The following CDH13 variants were observed in gnomAD, a reference collection of about 807,000 sequenced individuals.
The protein encoded by CDH13 is cadherin 13.
In CDH13, 24 loss-of-function variants were observed where a neutral mutation model predicts 63.8. The ratio of observed to expected loss-of-function variants is 0.38; its 90% confidence interval spans 0.27 to 0.53. The LOEUF is 0.53. Among genes scored for constraint, CDH13 ranks in the 20% least tolerant of loss-of-function variants. CDH13 has a pLI of 0.85. For synonymous variants in CDH13, 503 were observed against 355.3 expected (o/e 1.42, Z -4.67); for missense variants, 1,049 against 903.1 (o/e 1.16, Z -2.07).
At chr16:83,305,924 T>C (rs542882996) in intron 5 of CDH13, among the ~76,000 whole-genome samples, 6 of 152,272 alleles carry the variant, frequency 3.9e-5, no homozygotes, top group South Asian at 2.1e-4. Context: ...AACTTGCAGG[T>C]TTGGTGTGAA....
At chr16:83,565,046 C>T (rs766340083) in intron 7 of CDH13, among the ~76,000 whole-genome samples, 13 of 152,196 alleles carry the variant, frequency 8.5e-5, no homozygotes, top group Non-Finnish European at 2.9e-5. Context: ...TCTTGCTCCT[C>T]AGCGCTTTTG....
At chr16:83,736,512 G>A (rs1032722487) in intron 10 of CDH13, among the ~76,000 whole-genome samples, 7 of 152,124 alleles carry the variant, frequency 4.6e-5, no homozygotes, top group South Asian at 2.1e-4. Flanking sequence ...AAGCAACAAC[G>A]AAATGACCCT....
At chr16:83,322,262 C>A (rs998962151) in intron 5 of CDH13, among the ~76,000 whole-genome samples, 1 of 152,062 alleles carries the variant, frequency 6.6e-6, no homozygotes, top group Non-Finnish European at 1.5e-5. Context: ...TGCTACCCTC[C>A]AAGGAAGTGG....
intron 4 of CDH13, among the ~76,000 whole-genome samples, chr16:83,198,088 G>A (rs768951431): frequency 6.6e-6 from 1 of 152,078 alleles, no homozygotes; most frequent in Non-Finnish European, 1.5e-5. Flanking sequence ...TAACTATCCA[G>A]TAGGACATTG....
At chr16:83,747,739 C>G (rs1222636773) in intron 10 of CDH13, among the ~76,000 whole-genome samples, 1 of 147,802 alleles carries the variant, frequency 6.8e-6, no homozygotes, top group East Asian at 2.0e-4. Context: ...CACAACAGCA[C>G]TTCTCCCACT....
chr16:83,310,529 C>G (rs1326547695), intron 5 of CDH13, among the ~76,000 whole-genome samples: 2 of 152,182 alleles, frequency 1.3e-5, no homozygotes, highest in East Asian at 1.9e-4. Flanking sequence ...GGTCCACACT[C>G]CTTAGCTAAA....
chr16:82,872,528 T>G (rs1051799752), intron 2 of CDH13, among the ~76,000 whole-genome samples: 1 of 152,234 alleles, frequency 6.6e-6, no homozygotes, highest in Non-Finnish European at 1.5e-5. Context: ...TTGGGAAAGA[T>G]TAAGCATAGC....
intron 6 of CDH13, among the ~76,000 whole-genome samples, chr16:83,439,722 T>C (rs1344845999): frequency 6.6e-6 from 1 of 152,234 alleles, no homozygotes; most frequent in East Asian, 1.9e-4. Context: ...AGTGGCCTTA[T>C]CTGATGTTGG....
chr16:83,470,984 C>G (rs970067688), intron 6 of CDH13, among the ~76,000 whole-genome samples: 1 of 152,130 alleles, frequency 6.6e-6, no homozygotes, highest in Non-Finnish European at 1.5e-5. Flanking sequence ...CACCTGCACT[C>G]CTTGGCTCCT....
chr16:83,174,591 C>T lies in CDH13; in HGVS notation c.484-42754C>T, dbSNP rs554989159. ...CCTGCACTGTCCAGTTAGGTAGCCA[C>T]TAGCCACCTGTGGTTACTTAAATTT... On this transcript the variant is annotated intron_variant, in intron 4 of 13. Transcript: ENST00000567109. Among the ~76,000 whole-genome samples, 41 of 152,126 alleles carry T rather than the reference C, an allele frequency of 2.7e-4. No homozygotes were observed. In the South Asian group the frequency reaches 8.1e-3, roughly 30 times the overall value.
chr16:82,955,751 A>T (rs1437876989), intron 2 of CDH13, among the ~76,000 whole-genome samples: 1 of 152,200 alleles, frequency 6.6e-6, no homozygotes, highest in Non-Finnish European at 1.5e-5. Context: ...GATTCTCTTC[A>T]TTGCAAGCAG....
chr16:83,004,480 G>T (rs556172295), intron 2 of CDH13, among the ~76,000 whole-genome samples: 2 of 152,090 alleles, frequency 1.3e-5, no homozygotes, highest in Non-Finnish European at 2.9e-5. Flanking sequence ...TGAATGTCAT[G>T]CAAGGACCCC....
intron 5 of CDH13, among the ~76,000 whole-genome samples, chr16:83,288,747 T>C (rs1274581499): frequency 6.6e-6 from 1 of 152,218 alleles, no homozygotes. Flanking sequence ...AAAGCACAAG[T>C]GGACATGTCT....
intron 2 of CDH13, among the ~76,000 whole-genome samples, chr16:82,981,593 C>T (rs1278182602): frequency 6.6e-6 from 1 of 152,186 alleles, no homozygotes; most frequent in East Asian, 1.9e-4. Context: ...TTGGTTCTTT[C>T]TTCTCCATCT....
In CDH13 at chr16:83,557,735, G is replaced by C. The variant is rs1271883962; in HGVS notation, c.961-44719G>C. Among the ~76,000 whole-genome samples the C allele has an allele frequency of 1.3e-5, 2 of 152,122 alleles. 1 individual carries two copies. The highest frequency in any genetic ancestry group is 4.8e-5 in the African/African-American group (2 of 41,494). ...GTCTTCCTAGATAGTACTGTTACTT[G>C]GTTGGTACCTTTCATCTCAATGCCC... On this transcript the variant is annotated intron_variant, in intron 7 of 13. Transcript: ENST00000567109.
chr16:83,381,594 C>A (rs2091568021), intron 6 of CDH13, among the ~76,000 whole-genome samples: 1 of 152,046 alleles, frequency 6.6e-6, no homozygotes, highest in Non-Finnish European at 1.5e-5. Flanking sequence ...CCCTTCACAT[C>A]ACCTTCTCCC....
At chr16:83,324,892 G>A (rs1163264852) in intron 5 of CDH13, among the ~76,000 whole-genome samples, 1 of 152,096 alleles carries the variant, frequency 6.6e-6, no homozygotes, top group East Asian at 1.9e-4. Flanking sequence ...GCTTAACATT[G>A]TTTACAGGGA....
At chr16:83,152,326 T>C (rs572180690) in intron 4 of CDH13, among the ~76,000 whole-genome samples, 1 of 152,336 alleles carries the variant, frequency 6.6e-6, no homozygotes, top group African/African-American at 2.4e-5. Context: ...TATGCAATCA[T>C]TAAAAATCTA....
intron 1 of CDH13, among the ~76,000 whole-genome samples, chr16:82,645,003 A>G (rs542214248): frequency 6.6e-6 from 1 of 152,296 alleles, no homozygotes; most frequent in South Asian, 2.1e-4. Context: ...GTTTTTTCAC[A>G]AATGAAAGTC....
Sources: gnomAD v4.1 joint callset for allele counts (sites outside exome capture counted in the v4.1 genomes callset) on GRCh38, gnomAD v4.1.1 for gene constraint, MANE v1.5 for transcripts, NCBI Gene and HGNC (gene_info 2026-07-23, HGNC 2026-07-21) for gene names.